Variants in EVI5 observed in about 807,000 individuals in gnomAD.
EVI5 encodes ecotropic viral integration site 5.
Under a neutral mutation model 112.0 loss-of-function variants are expected in EVI5, and 73 were observed. The ratio of observed to expected loss-of-function variants is 0.65; its 90% CI spans 0.54 to 0.79. The LOEUF is 0.79. Ranked by LOEUF, EVI5 falls within the 30% of genes least tolerant of loss-of-function variation. The probability of loss-of-function intolerance (pLI) is 0.00; values close to 1 mark genes in which losing one functional copy is unlikely to be tolerated. For missense variants in EVI5, 900 were observed against 968.8 expected, an observed-to-expected ratio of 0.93 and a Z score of 0.94; for synonymous variants, 305 against 319.9, an observed-to-expected ratio of 0.95 and a Z score of 0.50.
At chr1:92,561,552 TG>T (rs879329674) in intron 19 of EVI5, among the ~76,000 whole-genome samples, 11,801 of 37,278 alleles carry the variant, frequency 0.32, 727 homozygotes, top group South Asian at 0.37. Context: ...CTGATGAGAC[TG>T]ACTATCTATC....
At chr1:92,773,141 G>A (rs1683658153) in intron 1 of EVI5, among the ~76,000 whole-genome samples, 1 of 151,080 alleles carries the variant, frequency 6.6e-6, no homozygotes, top group Non-Finnish European at 1.5e-5. Flanking sequence ...AGGAGGCAGA[G>A]GTTGCAGTGA....
intron 14 of EVI5, among the ~76,000 whole-genome samples, chr1:92,633,309 A>T (rs1657628605): frequency 6.6e-6 from 1 of 152,206 alleles, no homozygotes; most frequent in African/African-American, 2.4e-5. Flanking sequence ...TGGGAGTCTA[A>T]GTCTCTTTGT....
At chr1:92,721,075 G>T (rs1372589795) in intron 2 of EVI5, among the ~76,000 whole-genome samples, 2 of 152,148 alleles carry the variant, frequency 1.3e-5, no homozygotes, top group African/African-American at 2.4e-5. Flanking sequence ...TTACACTGTT[G>T]GTGGGAGTGT....
chr1:92,532,446 C>T (rs748677869), intron 19 of EVI5, among the ~76,000 whole-genome samples: 2 of 152,154 alleles, frequency 1.3e-5, no homozygotes, highest in African/African-American at 4.8e-5. Flanking sequence ...TAGTAGACAT[C>T]TACAGAACTC....
chr1:92,750,630 A>T lies in EVI5; in HGVS notation c.-81-14003T>A, dbSNP rs1005199506. 7.9e-5 allele frequency among the ~76,000 whole-genome samples: 12 copies of T among 151,908 alleles called. No homozygotes were observed. The East Asian group carries it at 2.3e-3, about 29-fold the overall frequency. On this transcript the variant is annotated intron_variant, in intron 1 of 19. Coordinates refer to ENST00000684568, the MANE Select transcript of EVI5 (RefSeq NM_001350197.2). ...CCCAGATCCAGAAGTAGAATTCCTG[A>T]CCCTCCTTTGGCTATAATAAATGTC...
intron 1 of EVI5, chr1:92,756,423 C>T: frequency 1.9e-6 from 1 of 539,066 alleles, no homozygotes; most frequent in Non-Finnish European, 3.8e-6. Flanking sequence ...TCTGTAGCTG[C>T]TACATGTATG....
At chr1:92,647,660 T>C in intron 13 of EVI5, 1 of 304,330 alleles carries the variant, frequency 3.3e-6, no homozygotes, top group Non-Finnish European at 6.5e-6. Context: ...AAATTGCTTC[T>C]TCCTTCCTGG....
intron 10 of EVI5, among the ~76,000 whole-genome samples, chr1:92,674,387 T>C (rs12743240): frequency 6.6e-6 from 1 of 152,054 alleles, no homozygotes; most frequent in Non-Finnish European, 1.5e-5. Context: ...CCTGTGCAGG[T>C]ACATGGATGA....
At chr1:92,616,655 A>G (rs1420681093) in intron 16 of EVI5, among the ~76,000 whole-genome samples, 1 of 152,200 alleles carries the variant, frequency 6.6e-6, no homozygotes, top group Admixed American at 6.5e-5. Flanking sequence ...GGTGAATCAC[A>G]GCAGAGACCT....
At chr1:92,723,275 C>T (rs185791319) in intron 2 of EVI5, among the ~76,000 whole-genome samples, 1 of 152,304 alleles carries the variant, frequency 6.6e-6, no homozygotes, top group East Asian at 1.9e-4. Flanking sequence ...AGTCCAATAT[C>T]TAATTGTCAA....
chr1:92,531,052 T>G (rs1662782037), intron 19 of EVI5, among the ~76,000 whole-genome samples: 1 of 151,796 alleles, frequency 6.6e-6, no homozygotes, highest in African/African-American at 2.4e-5. Context: ...AAAGGTCAGA[T>G]GAATTGCGAA....
intron 2 of EVI5, among the ~76,000 whole-genome samples, chr1:92,707,193 A>C (rs1672141170): frequency 6.9e-6 from 1 of 145,570 alleles, no homozygotes; most frequent in Non-Finnish European, 1.5e-5. Context: ...AAAAAAAAAA[A>C]AAAAAAACAC....
At chr1:92,787,739 CAA>C (rs113716389), upstream of EVI5, among the ~76,000 whole-genome samples, 34 of 116,814 alleles carry the variant, frequency 2.9e-4, no homozygotes, top group Non-Finnish European at 2.4e-4. Flanking sequence ...GATCTTGTCT[CAA>C]AAAAAAAAAA....
chr1:92,537,623 G>C (rs1236783703), intron 19 of EVI5, among the ~76,000 whole-genome samples: 1 of 151,880 alleles, frequency 6.6e-6, no homozygotes, highest in Admixed American at 6.6e-5. Context: ...TTTAAACACT[G>C]AATTGTAAAC....
At chr1:92,782,169 G>A (rs1370807983) in intron 1 of EVI5, among the ~76,000 whole-genome samples, 3 of 151,018 alleles carry the variant, frequency 2.0e-5, no homozygotes, top group Non-Finnish European at 4.4e-5. Flanking sequence ...TGAGGCAGGA[G>A]AATTGCTTGA....
chr1:92,522,631 CAAAAAAAAAA>C lies in EVI5; in HGVS notation c.2167-8671_2167-8662del, dbSNP rs61277173. Among the ~76,000 whole-genome samples the C allele has an allele frequency of 1.8e-4, 13 of 70,510 alleles. 2 individuals are homozygous for C. Among genetic ancestry groups the C allele is most frequent in the Admixed American group, 1.3e-3 (6 of 4,636 alleles). The allele number at this position is 70,510 out of a possible 152,430, so 46.3% of individuals were successfully genotyped here. ...GGGTGACAGAGCAAGACTCCATCTC[CAAAAAAAAAA>C]AAAAAAAAAAGAATTTACACCCTCA... On this transcript the variant is annotated intron_variant, in intron 19 of 19. Transcript: ENST00000684568.
At chr1:92,786,090 C>CA (rs10651128), upstream of EVI5, among the ~76,000 whole-genome samples, 117,074 of 144,446 alleles carry the variant, frequency 0.81, 48,274 homozygotes, top group East Asian at 0.95. Context: ...TACTCTGTCT[C>CA]AAAAAAAAAA....
chr1:92,582,250 A>ATCT (rs1470691958), intron 18 of EVI5, among the ~76,000 whole-genome samples: 1 of 152,198 alleles, frequency 6.6e-6, no homozygotes, highest in African/African-American at 2.4e-5. Context: ...CTGTCTCATA[A>ATCT]TCTTATGGGA....
At chr1:92,599,930 A>G (rs1648756315) in intron 18 of EVI5, among the ~76,000 whole-genome samples, 1 of 152,294 alleles carries the variant, frequency 6.6e-6, no homozygotes, top group Admixed American at 6.5e-5. Flanking sequence ...TTTAAAAGGT[A>G]GTCAATGAAA....
Sources: allele counts gnomAD v4.1 joint callset (sites outside exome capture counted in the v4.1 genomes callset), GRCh38; gene constraint gnomAD v4.1.1; transcripts MANE v1.5; gene names NCBI Gene and HGNC (gene_info 2026-07-23, HGNC 2026-07-21).